LSP1: variants seen among roughly 807,000 people sequenced by gnomAD.
LSP1 encodes the protein lymphocyte-specific protein 1.
A neutral mutation model predicts 49.3 loss-of-function variants in LSP1; 32 were observed. The observed-to-expected ratio is 0.65, with a 90% confidence interval of 0.49 to 0.87. The LOEUF is 0.87. LSP1 is among the 40% of genes least tolerant of loss of function. The pLI is 0.00. For missense variants in LSP1, 428 were observed against 442.6 expected (o/e 0.97, Z 0.30); for synonymous variants, 179 against 178.8 (o/e 1.00, Z -0.01).
intron 10 of LSP1, chr11:1,889,677 G>C (rs1307569807): frequency 1.6e-6 from 1 of 634,092 alleles, no homozygotes; most frequent in Non-Finnish European, 2.9e-6. Context: ...GGCCTCAGCG[G>C]CGGGGCCAGC....
At chr11:1,883,314 C>T in intron 3 of LSP1, 105 bp from the exon 4 acceptor site, 1 of 1,421,176 alleles carries the variant, frequency 7.0e-7, no homozygotes. Flanking sequence ...AGTAGCCTGA[C>T]TACCTTCATT....
At chr11:1,857,540 C>T (rs1847520069) in intron 1 of LSP1, among the ~76,000 whole-genome samples, 1 of 152,204 alleles carries the variant, frequency 6.6e-6, no homozygotes, top group Admixed American at 6.5e-5. Flanking sequence ...TGAGCTCTGC[C>T]TTGCAGTCCC....
intron 1 of LSP1, 46 bp downstream of exon 1, chr11:1,853,243 G>A (rs1293992001): frequency 6.3e-7 from 1 of 1,587,042 alleles, no homozygotes; most frequent in Non-Finnish European, 8.5e-7. Context: ...GTGTCCACGG[G>A]TGCATAGTCC....
chr11:1,854,028 C>T (rs987127595), intron 1 of LSP1, among the ~76,000 whole-genome samples: 7 of 152,274 alleles, frequency 4.6e-5, no homozygotes, highest in African/African-American at 7.2e-5. Flanking sequence ...AGCTGAGCCT[C>T]GCCAGGGGAA....
intron 1 of LSP1, chr11:1,868,894 G>T (rs1847882419): frequency 1.0e-6 from 1 of 985,908 alleles, no homozygotes; most frequent in Non-Finnish European, 1.2e-6. Flanking sequence ...ACCCCCAGAT[G>T]CCCCTGCTGG....
intron 1 of LSP1, among the ~76,000 whole-genome samples, chr11:1,856,531 G>A (rs1445063460): frequency 5.9e-5 from 9 of 152,254 alleles, no homozygotes; most frequent in Admixed American, 5.9e-4. Context: ...AGCCCCGCCT[G>A]GCCCATCGGA....
intron 1 of LSP1, among the ~76,000 whole-genome samples, chr11:1,855,136 G>A (rs965312642): frequency 3.3e-5 from 5 of 152,158 alleles, no homozygotes; most frequent in African/African-American, 7.2e-5. Flanking sequence ...CATGGGGTGC[G>A]CAGCCAAGCC....
intron 2 of LSP1, 69 bp downstream of exon 2, chr11:1,880,293 G>A (rs1012294891): frequency 6.3e-5 from 91 of 1,446,908 alleles, no homozygotes; most frequent in Non-Finnish European, 8.0e-5. Flanking sequence ...TGGGCAGAGG[G>A]GGAGGTCAAG....
rs1028479869 is a variant in LSP1, at chr11:1,884,249, G to A, written c.592-31G>A. ...GAGGGTGGGCTTTACCTCGGCTGCT[G>A]CAGGCCTGTGTCTCTCTCCACCCTC... On this transcript the variant is annotated intron_variant, in intron 5 of 10. Transcript: ENST00000311604. This position sits in a 1 kb window ranked among gnomAD's most constrained non-coding sequence, Gnocchi z 4.1. 6.2e-7 allele frequency: 1 copy of A among 1,613,684 alleles called. No individual in the cohort carries two copies. The highest frequency in any genetic ancestry group is 8.5e-7 in the Non-Finnish European group (1 of 1,179,646).
chr11:1,890,069 C>A, intron 10 of LSP1: 1 of 713,068 alleles, frequency 1.4e-6, no homozygotes, highest in Non-Finnish European at 2.6e-6. Flanking sequence ...TGCCCCCACC[C>A]CCAGAGACAG....
At chr11:1,886,255 TTCAA>T (rs761106836) in intron 7 of LSP1, among the ~76,000 whole-genome samples, 9 of 152,026 alleles carry the variant, frequency 5.9e-5, no homozygotes, top group Admixed American at 4.6e-4. Flanking sequence ...TACTACTCCA[TTCAA>T]TCAATGCCCC....
rs978996468 is a variant in LSP1, at chr11:1,884,767, TC to T, written c.717+188del. Among the ~76,000 whole-genome samples the T allele has an allele frequency of 6.6e-6, 1 of 151,714 alleles. No homozygotes were observed. The highest frequency in any genetic ancestry group is 1.5e-5 in the Non-Finnish European group (1 of 67,924). ...TGCCCCTCCATCTAATCAATGTCAC[TC>T]CATGTAATCAATGCCCCCCCTTTCA... On this transcript the variant is annotated intron_variant, in intron 7 of 10. Transcript: ENST00000311604. This position sits in a 1 kb window ranked among gnomAD's most constrained non-coding sequence, Gnocchi z 4.1.
chr11:1,878,240 G>A (rs1454117098), intron 1 of LSP1, among the ~76,000 whole-genome samples: 2 of 152,018 alleles, frequency 1.3e-5, no homozygotes, highest in African/African-American at 2.4e-5. Flanking sequence ...AGCCTGCGCC[G>A]CCCTCTGTGT....
Position 1,874,073 on chromosome 11 carries a change from A to G in LSP1, c.54-6014A>G, listed in dbSNP as rs1450655711. On this transcript the variant is annotated intron_variant, in intron 1 of 10. Coordinates refer to ENST00000311604, the MANE Select transcript of LSP1 (RefSeq NM_002339.3). Reference sequence around the variant, plus strand: ...GCTGGCAGAGCAGGGAGGCCGGCAGAGGAGGGAGGCCGGCAGAGCAGGGAG... The same window carrying G: ...GCTGGCAGAGCAGGGAGGCCGGCAGGGGAGGGAGGCCGGCAGAGCAGGGAG... Among the ~76,000 whole-genome samples the G allele has an allele frequency of 2.3e-5, 3 of 131,792 alleles. No homozygotes were observed. The Admixed American group carries it at 2.4e-4, about 10-fold the overall frequency. 86.5% of individuals were successfully genotyped at this position (131,792 alleles called of 152,430 possible).
Position 1,869,938 on chromosome 11 carries a change from C to T in LSP1, c.54-10149C>T, listed in dbSNP as rs564861084. The stretch of plus-strand genomic sequence containing the variant: ...GTCCCTGCCTGGTCTTCCCCACACC[C>T]GGTTCTTGGGGGTTGAGGGGTTGGA... On this transcript the variant is annotated intron_variant, in intron 1 of 10. Transcript: ENST00000311604. Among the ~76,000 whole-genome samples the T allele has an allele frequency of 5.9e-5, 9 of 152,236 alleles. No individual in the cohort carries two copies. In the South Asian group the frequency reaches 8.3e-4, roughly 14 times the overall value.
chr11:1,879,073 G>C (rs975638357), intron 1 of LSP1, among the ~76,000 whole-genome samples: 1 of 152,154 alleles, frequency 6.6e-6, no homozygotes, highest in African/African-American at 2.4e-5. Context: ...GGCTGGGTGC[G>C]GTGGCTCATC....
At chr11:1,890,251 G>T (rs1049837096) in intron 10 of LSP1, 2 of 715,734 alleles carry the variant, frequency 2.8e-6, no homozygotes, top group Non-Finnish European at 5.2e-6. Flanking sequence ...GGGGAGCGGG[G>T]TAGGGCAGCC....
intron 10 of LSP1, chr11:1,890,555 G>C (rs112978842): frequency 1.4e-6 from 1 of 712,254 alleles, no homozygotes; most frequent in Non-Finnish European, 2.6e-6. Flanking sequence ...CGCACACCTC[G>C]GGTGCCATCG....
intron 1 of LSP1, among the ~76,000 whole-genome samples, chr11:1,879,100 C>A (rs544728768): frequency 6.6e-6 from 1 of 152,266 alleles, no homozygotes; most frequent in Non-Finnish European, 1.5e-5. Flanking sequence ...ATCCCACCAC[C>A]TTGGGAGGCT....
Sources: allele counts gnomAD v4.1 joint callset (sites outside exome capture counted in the v4.1 genomes callset), GRCh38; gene constraint gnomAD v4.1.1; non-coding constraint Gnocchi (gnomAD v3.1); transcripts MANE v1.5; gene names NCBI Gene and HGNC (gene_info 2026-07-23, HGNC 2026-07-21).